TRIM37: variants seen among roughly 807,000 people sequenced by gnomAD.
The protein encoded by TRIM37 is E3 ubiquitin-protein ligase TRIM37.
Under a neutral mutation model 129.8 loss-of-function variants are expected in TRIM37, and 80 were observed. The observed-to-expected ratio is 0.62, with a 90% CI of 0.51 to 0.74. The LOEUF (loss-of-function observed/expected upper bound fraction) is 0.74. Among genes scored for constraint, TRIM37 ranks in the 30% least tolerant of loss-of-function variants. The pLI, the probability that TRIM37 is intolerant of heterozygous loss-of-function variation, is 0.00. For missense variants in TRIM37, 1,054 were observed against 1,176.5 expected (o/e 0.90, Z 1.52); for synonymous variants, 389 against 387.1 (o/e 1.00, Z -0.06).
chr17:59,033,535 C>T (rs1042060860), intron 17 of TRIM37, among the ~76,000 whole-genome samples: 15 of 152,026 alleles, frequency 9.9e-5, no homozygotes, highest in African/African-American at 3.6e-4. Flanking sequence ...TGGGTTCAAG[C>T]GATTCTCCTG....
At chr17:59,087,016 T>C (rs1176769164) in intron 4 of TRIM37, among the ~76,000 whole-genome samples, 2 of 152,204 alleles carry the variant, frequency 1.3e-5, no homozygotes, top group African/African-American at 4.8e-5. Context: ...TAAATAATTA[T>C]TTTTGGTGAG....
chr17:58,993,831 C>T (rs746995959), downstream of TRIM37, among the ~76,000 whole-genome samples: 13 of 152,198 alleles, frequency 8.5e-5, no homozygotes, highest in Non-Finnish European at 1.8e-4. Context: ...TAGACCATAA[C>T]AGATGAACCT....
chr17:59,099,161 G>A (rs2045216179), intron 2 of TRIM37, among the ~76,000 whole-genome samples: 1 of 151,970 alleles, frequency 6.6e-6, no homozygotes, highest in Non-Finnish European at 1.5e-5. Flanking sequence ...CCAGCCTGGC[G>A]ACAGAGCGAG....
At chr17:59,033,669 C>T (rs1179724653) in intron 17 of TRIM37, among the ~76,000 whole-genome samples, 2 of 152,128 alleles carry the variant, frequency 1.3e-5, no homozygotes, top group Non-Finnish European at 2.9e-5. Flanking sequence ...CCGCCTCAGC[C>T]TCCCAAAGTG....
intron 7 of TRIM37, among the ~76,000 whole-genome samples, chr17:59,078,588 T>C (rs1287335801): frequency 6.6e-6 from 1 of 152,196 alleles, no homozygotes; most frequent in South Asian, 2.1e-4. Flanking sequence ...CGTATCAACA[T>C]CCAGTACTCT....
At chr17:59,064,257 T>G (rs1599290436) in intron 10 of TRIM37, 98 bp downstream of exon 10, 1 of 893,488 alleles carries the variant, frequency 1.1e-6, no homozygotes, top group Non-Finnish European at 1.8e-6. Context: ...CTAAAGTGAG[T>G]GACACAGTTC....
At chr17:59,063,743 A>G (rs1362964538) in intron 10 of TRIM37, among the ~76,000 whole-genome samples, 1 of 152,254 alleles carries the variant, frequency 6.6e-6, no homozygotes, top group East Asian at 1.9e-4. Flanking sequence ...ATGGATCTCA[A>G]TGGATTTCTT....
intron 19 of TRIM37, among the ~76,000 whole-genome samples, chr17:59,021,264 G>A (rs945591577): frequency 2.6e-5 from 4 of 152,116 alleles, no homozygotes; most frequent in Admixed American, 2.0e-4. Context: ...GCGTGGTGGC[G>A]CATGCCTGTA....
intron 21 of TRIM37, 45 bp from the exon 22 acceptor site, chr17:59,012,491 C>A: frequency 7.8e-7 from 1 of 1,275,580 alleles, no homozygotes; most frequent in South Asian, 1.2e-5. Flanking sequence ...ACTAGTGACA[C>A]AATAATCTAT....
chr17:59,089,562 A>T (rs529753495), intron 3 of TRIM37, among the ~76,000 whole-genome samples: 20 of 151,214 alleles, frequency 1.3e-4, no homozygotes, highest in Admixed American at 2.0e-4. Flanking sequence ...AATCACTTGA[A>T]CCAGGGAGTC....
At chr17:59,001,059 G>C (rs1227917399) in intron 23 of TRIM37, among the ~76,000 whole-genome samples, 1 of 151,998 alleles carries the variant, frequency 6.6e-6, no homozygotes, top group Non-Finnish European at 1.5e-5. Context: ...GCCAGGCGTG[G>C]TGGTGTATAC....
downstream of TRIM37, among the ~76,000 whole-genome samples, chr17:58,996,951 G>C (rs1233634829): frequency 1.3e-5 from 2 of 151,774 alleles, no homozygotes; most frequent in Non-Finnish European, 2.9e-5. Context: ...CAAATAAGAA[G>C]AACATTTAAT....
chr17:59,056,245 T>C (rs1366022020), intron 13 of TRIM37, among the ~76,000 whole-genome samples: 1 of 151,906 alleles, frequency 6.6e-6, no homozygotes, highest in African/African-American at 2.4e-5. Flanking sequence ...GGTCTCATAA[T>C]GTTTCCTAAG....
intron 12 of TRIM37, among the ~76,000 whole-genome samples, chr17:59,057,524 T>A (rs753074344): frequency 6.6e-6 from 1 of 151,822 alleles, no homozygotes; most frequent in Non-Finnish European, 1.5e-5. Context: ...AGAGCAGTAT[T>A]TTTTTGTTTG....
chr17:59,051,162 C>A, intron 14 of TRIM37, 52 bp downstream of exon 14: 2 of 1,153,042 alleles, frequency 1.7e-6, no homozygotes, highest in Non-Finnish European at 2.6e-6. Context: ...ACAAATATAA[C>A]AAGCCAAAAG....
rs369041706 is a variant in TRIM37 at position 59,061,088 on chromosome 17, T to A, written c.963A>T (p.Arg321=). 1 of 1,613,464 alleles carries A rather than the reference T, an allele frequency of 6.2e-7. No homozygotes were observed. Among genetic ancestry groups the A allele is most frequent in the African/African-American group, 1.3e-5 (1 of 74,894 alleles). The part of the protein sequence containing the change: ...KVYPDGNGVV[R]GYYLSVFLEL... ...CCAGAAACACAGATAAGTAGTAACC[T>A]CGCACAACTCCATTTCCATCCTAAA... Residue 321 remains arginine (R), a synonymous_variant, in exon 12 of 24, where the codon CGA becomes CGT. Transcript: ENST00000262294.
intron 21 of TRIM37, among the ~76,000 whole-genome samples, chr17:59,014,507 C>T (rs979476677): frequency 3.3e-5 from 5 of 151,928 alleles, no homozygotes; most frequent in Non-Finnish European, 7.4e-5. Flanking sequence ...GAGAGATAAA[C>T]GTGTTAACTA....
At position 58,998,922 on chromosome 17, in the gene TRIM37, T is replaced by C. The variant is rs2144386949; in HGVS notation, c.*455A>G. On this transcript the variant is annotated 3_prime_UTR_variant, in exon 24 of 24. Coordinates refer to ENST00000262294, the MANE Select transcript of TRIM37 (RefSeq NM_015294.6). ...CAAAGCAATTTTCTGTTCACTAATC[T>C]ACAGGCACTAATGGAACTGTAATTA... 9.7e-7 allele frequency: 1 copy of C among 1,027,266 alleles called. No homozygotes were observed. The highest frequency in any genetic ancestry group is 9.4e-5 in the East Asian group (1 of 10,630). The allele number at this position is 1,027,266 out of a possible 1,614,324, so 63.6% of individuals were successfully genotyped here.
Position 59,024,214 on chromosome 17 carries a change from CAAAAAAAAAA to C in TRIM37, c.2257+4191_2257+4200del, listed in dbSNP as rs1237722939. 4.0e-4 allele frequency among the ~76,000 whole-genome samples: 30 copies of C among 74,964 alleles called. 1 individual carries two copies. Among genetic ancestry groups the C allele is most frequent in the African/African-American group, 1.3e-3 (23 of 18,036 alleles). The allele number at this position is 74,964 out of a possible 152,430, so 49.2% of individuals were successfully genotyped here. On this transcript the variant is annotated intron_variant, in intron 19 of 23. Transcript: ENST00000262294. ...GGGCAACAAGAGTGAAATTCCGTAT[CAAAAAAAAAA>C]AAAAAAAAAAAAAAATTGCCACATT... is the stretch of plus-strand genomic sequence containing the variant.
Sources: gnomAD v4.1 joint callset for allele counts (sites outside exome capture counted in the v4.1 genomes callset) on GRCh38, gnomAD v4.1.1 for gene constraint, MANE v1.5 for transcripts, NCBI Gene and HGNC (gene_info 2026-07-23, HGNC 2026-07-21) for gene names.